Variants in GEM observed in about 807,000 individuals in gnomAD.
GEM encodes the protein GTP binding protein overexpressed in skeletal muscle, also known as GTP-binding protein GEM.
A neutral mutation model predicts 33.0 loss-of-function variants in GEM; 31 were observed. That is an observed-to-expected ratio of 0.94 (90% CI 0.71 to 1.27). The LOEUF is 1.27. GEM is among the 50% of genes most tolerant of loss of function. GEM has a pLI of 0.00. For missense variants in GEM, 354 were observed against 390.5 expected, an observed-to-expected ratio of 0.91 and a Z score of 0.79; for synonymous variants, 141 against 143.7, an observed-to-expected ratio of 0.98 and a Z score of 0.13.
chr8:94,251,523 AT>A (rs1563605215), intron 4 of GEM, among the ~76,000 whole-genome samples: 2 of 152,160 alleles, frequency 1.3e-5, no homozygotes, highest in Admixed American at 1.3e-4. Context: ...GCAGATAGAG[AT>A]TTTCCCTGAG....
At chr8:94,261,893 C>G (rs952571901) in intron 1 of GEM, among the ~76,000 whole-genome samples, 197 bp downstream of exon 1, 2 of 152,152 alleles carry the variant, frequency 1.3e-5, no homozygotes, top group African/African-American at 4.8e-5. Context: ...ACCAGGACGA[C>G]CAGCCGGTTT....
intron 2 of GEM, among the ~76,000 whole-genome samples, chr8:94,257,977 G>T (rs1480028823): frequency 6.6e-6 from 1 of 152,050 alleles, no homozygotes; most frequent in East Asian, 1.9e-4. Context: ...CTAGGGAAAG[G>T]ATTCCCTTTC....
intron 2 of GEM, among the ~76,000 whole-genome samples, chr8:94,257,823 G>T (rs923219385): frequency 2.6e-5 from 4 of 151,086 alleles, no homozygotes; most frequent in Non-Finnish European, 4.4e-5. Flanking sequence ...ATCATTATGA[G>T]AATATTATGT....
At chr8:94,255,827 A>G (rs964264829) in intron 2 of GEM, among the ~76,000 whole-genome samples, 5 of 152,140 alleles carry the variant, frequency 3.3e-5, no homozygotes, top group African/African-American at 1.2e-4. Flanking sequence ...TGCACACTCT[A>G]TGTAGCAAAA....
At chr8:94,260,591 G>C in intron 1 of GEM, 79 bp from the exon 2 acceptor site, 1 of 759,176 alleles carries the variant, frequency 1.3e-6, no homozygotes, top group Non-Finnish European at 2.1e-6. Flanking sequence ...TCAGTCATCA[G>C]TAATATTTTA....
At chr8:94,259,879 G>A (rs1162071777) in intron 2 of GEM, 1 of 308,124 alleles carries the variant, frequency 3.2e-6, no homozygotes, top group Non-Finnish European at 6.0e-6. Context: ...GTGGGGCGCT[G>A]ACCCTCTGGC....
At chr8:94,255,570 AC>A (rs1225565509) in intron 2 of GEM, among the ~76,000 whole-genome samples, 1 of 152,274 alleles carries the variant, frequency 6.6e-6, no homozygotes, top group African/African-American at 2.4e-5. Context: ...CCTGGGAGTA[AC>A]CAGAGCTCCA....
intron 2 of GEM, among the ~76,000 whole-genome samples, chr8:94,255,212 G>C (rs76614357): frequency 3.3e-5 from 5 of 152,100 alleles, no homozygotes; most frequent in African/African-American, 1.2e-4. Context: ...TGTTCCAATC[G>C]CTGACGGAAA....
At position 94,260,434 on chromosome 8, in the gene GEM, T is replaced by C; in HGVS notation, c.70A>G (p.Ile24Val). The C allele has an allele frequency of 6.2e-7, 1 of 1,613,878 alleles. No homozygotes were observed. Among genetic ancestry groups the C allele is most frequent in the South Asian group, 1.1e-5 (1 of 91,078 alleles). ...ATCAGATGCCTGCCATCAGCTGGGA[T>C]GCTCCAGCGCTGCTGCTGTGGCTGC... ...GMQPQQQRWS[I>V]PADGRHLMVQ... Residue 24 changes from isoleucine (I) to valine (V), a missense_variant, in exon 2 of 5, where the codon ATC becomes GTC. Ile to Val is a conservative substitution (Grantham distance 29). Coordinates refer to ENST00000297596, the MANE Select transcript of GEM (RefSeq NM_005261.4).
intron 2 of GEM, among the ~76,000 whole-genome samples, chr8:94,259,403 T>C (rs1415131797): frequency 6.6e-6 from 1 of 152,178 alleles, no homozygotes; most frequent in Non-Finnish European, 1.5e-5. Flanking sequence ...ATAACTACCC[T>C]GGTCGCATAC....
rs977847430 is a variant in GEM at position 94,250,235 on chromosome 8, A to C, written c.*75T>G. 1.7e-6 allele frequency: 2 copies of C among 1,206,450 alleles called. No individual in the cohort carries two copies. The highest frequency in any genetic ancestry group is 3.0e-5 in the African/African-American group (2 of 65,944). 74.7% of individuals were successfully genotyped at this position (1,206,450 alleles called of 1,614,324 possible). On this transcript the variant is annotated 3_prime_UTR_variant, in exon 5 of 5. Coordinates refer to ENST00000297596, the MANE Select transcript of GEM (RefSeq NM_005261.4). ...GAAACCACATCTAACTTAAGTATTC[A>C]ATCTAATATAGATTATTGGTCCCAA...
At chr8:94,252,463 A>G (rs915418961) in intron 3 of GEM, among the ~76,000 whole-genome samples, 2 of 152,206 alleles carry the variant, frequency 1.3e-5, no homozygotes, top group Non-Finnish European at 2.9e-5. Flanking sequence ...ACTTTTCAGT[A>G]TCTTCTACAG....
intron 2 of GEM, chr8:94,259,900 C>T: frequency 2.7e-6 from 1 of 374,026 alleles, no homozygotes; most frequent in East Asian, 4.3e-5. Context: ...TCTGCCCTCT[C>T]TAATCAGCCT....
At chr8:94,252,372 G>C in intron 3 of GEM, 149 bp from the exon 4 acceptor site, 1 of 632,332 alleles carries the variant, frequency 1.6e-6, no homozygotes, top group Non-Finnish European at 2.8e-6. Context: ...CTCCCTAAAA[G>C]CATTGGTCTT....
rs975050480 is a variant in GEM, at chr8:94,250,291, T to G, written c.*19A>C. On this transcript the variant is annotated 3_prime_UTR_variant, in exon 5 of 5. Transcript: ENST00000297596. ...TTCAACAACGGCCATCAAAGGGACA[T>G]CTGGGTGACCCTGGGTTCCTAGAGT... is the stretch of plus-strand genomic sequence containing the variant. 2 of 1,594,258 alleles carry G rather than the reference T, an allele frequency of 1.3e-6. No homozygotes were observed. The highest frequency in any genetic ancestry group is 2.3e-5 in the South Asian group (2 of 88,870).
chr8:94,257,434 G>A lies in GEM; in HGVS notation c.331+2739C>T, dbSNP rs539528581. Among the ~76,000 whole-genome samples the A allele has an allele frequency of 4.3e-4, 65 of 152,148 alleles. No individual in the cohort carries two copies. In the South Asian group the frequency reaches 9.1e-3, roughly 21 times the overall value. On this transcript the variant is annotated intron_variant, in intron 2 of 4. Coordinates refer to ENST00000297596, the MANE Select transcript of GEM (RefSeq NM_005261.4). ...TGACCTCAGGTGATCCACCTGCCTC[G>A]GCCTCCCAAAGTGTTGGGATTACAG...
Position 94,250,180 on chromosome 8 carries a change from C to G in GEM, c.*130G>C, listed in dbSNP as rs759871319. The G allele has an allele frequency of 4.3e-5, 31 of 726,038 alleles. No individual in the cohort carries two copies. The highest frequency in any genetic ancestry group is 6.9e-5 in the Non-Finnish European group (30 of 437,664). The allele number at this position is 726,038 out of a possible 1,614,324, so 45.0% of individuals were successfully genotyped here. On this transcript the variant is annotated 3_prime_UTR_variant, in exon 5 of 5. Transcript: ENST00000297596. Reference sequence around the variant, plus strand: ...CCCATGCATCATGTTGCCCACAAGGCTAATACGCTAGCTCCCTGCTACAAT... The same window carrying G: ...CCCATGCATCATGTTGCCCACAAGGGTAATACGCTAGCTCCCTGCTACAAT...
chr8:94,258,103 A>C (rs1808935314), intron 2 of GEM, among the ~76,000 whole-genome samples: 1 of 151,250 alleles, frequency 6.6e-6, no homozygotes, highest in Non-Finnish European at 1.5e-5. Flanking sequence ...TCTCTCTCTC[A>C]ACAAAGAAGT....
At chr8:94,256,994 G>A (rs1258109333) in intron 2 of GEM, among the ~76,000 whole-genome samples, 8 of 151,992 alleles carry the variant, frequency 5.3e-5, no homozygotes, top group South Asian at 2.1e-4. Context: ...TCAGAGCTGC[G>A]TCTAAACCCA....
Sources: gnomAD v4.1 joint callset for allele counts (sites outside exome capture counted in the v4.1 genomes callset) on GRCh38, gnomAD v4.1.1 for gene constraint, MANE v1.5 for transcripts, NCBI Gene and HGNC (gene_info 2026-07-23, HGNC 2026-07-21) for gene names.